The following WDPCP variants were observed in gnomAD, a reference collection of about 807,000 sequenced individuals.
WDPCP encodes WD repeat containing planar cell polarity effector.
A neutral mutation model predicts 93.1 loss-of-function variants in WDPCP; 71 were observed. That is an observed-to-expected ratio of 0.76 (90% CI 0.63 to 0.93). The LOEUF is 0.93. Among genes scored for constraint, WDPCP ranks in the 40% least tolerant of loss-of-function variants. The probability of loss-of-function intolerance (pLI) is 0.00; values close to 1 mark genes in which losing one functional copy is unlikely to be tolerated. For missense variants in WDPCP, 844 were observed against 887.4 expected (o/e 0.95, Z 0.62); for synonymous variants, 315 against 315.0 (o/e 1.00, Z 0.00).
At position 63,613,722 on chromosome 2, in the gene WDPCP, G is replaced by A. The variant is rs1294428537; in HGVS notation, n.488+36937C>T. Among the ~76,000 whole-genome samples the A allele has an allele frequency of 5.9e-5, 9 of 152,268 alleles. 1 individual carries two copies. The highest frequency in any genetic ancestry group is 2.0e-4 in the Admixed American group (3 of 15,294). On this transcript the variant is annotated intron_variant and non_coding_transcript_variant, in intron 3 of 4. Transcript: ENST00000467687. ...CCAAAGTATGATGCTTTGTCATGCC[G>A]AACACTTCTGAATTAAAGGAACTTG...
intron 2 of WDPCP, among the ~76,000 whole-genome samples, chr2:63,720,282 C>G (rs967398616): frequency 2.6e-5 from 4 of 151,656 alleles, no homozygotes; most frequent in African/African-American, 7.3e-5. Context: ...CCAGGTATGG[C>G]GGTGTGCGCC....
At chr2:63,150,383 T>C (rs982030068) in intron 17 of WDPCP, among the ~76,000 whole-genome samples, 10 of 152,176 alleles carry the variant, frequency 6.6e-5, no homozygotes, top group Non-Finnish European at 1.5e-4. Flanking sequence ...GTTGGGAAAC[T>C]ACTGGCATTC....
intron 12 of WDPCP, among the ~76,000 whole-genome samples, chr2:63,348,814 G>A (rs547902664): frequency 6.6e-6 from 1 of 152,110 alleles, no homozygotes; most frequent in South Asian, 2.1e-4. Flanking sequence ...ACAAAGGAGA[G>A]TTTCAACACT....
chr2:63,220,803 C>T (rs1009152702), intron 14 of WDPCP, among the ~76,000 whole-genome samples: 3 of 152,086 alleles, frequency 2.0e-5, no homozygotes, highest in Non-Finnish European at 2.9e-5. Context: ...CAACCCATCA[C>T]CTAGGTACTA....
At chr2:63,621,878 T>A (rs1184679129) in intron 3 of WDPCP, among the ~76,000 whole-genome samples, 2 of 6,012 alleles carry the variant, frequency 3.3e-4, no homozygotes, top group Middle Eastern at 0.062. Context: ...TTCAACATTC[T>A]TTTTTTTTTT....
At chr2:63,427,214 T>C (rs992168871) in intron 9 of WDPCP, among the ~76,000 whole-genome samples, 4 of 152,114 alleles carry the variant, frequency 2.6e-5, no homozygotes, top group African/African-American at 9.7e-5. Context: ...CTGGACTAAA[T>C]TGCAACACTT....
intron 12 of WDPCP, among the ~76,000 whole-genome samples, chr2:63,376,190 T>A (rs1385807439): frequency 1.3e-5 from 2 of 151,902 alleles, no homozygotes; most frequent in African/African-American, 4.8e-5. Flanking sequence ...TAATACTGTA[T>A]AGCCTACTAT....
At chr2:63,804,774 A>T (rs960114890) in intron 2 of WDPCP, among the ~76,000 whole-genome samples, 1 of 151,718 alleles carries the variant, frequency 6.6e-6, no homozygotes, top group Non-Finnish European at 1.5e-5. Context: ...TCACGCCTCT[A>T]ATACCAGCAC....
intron 14 of WDPCP, among the ~76,000 whole-genome samples, chr2:63,243,010 A>G (rs535966777): frequency 2.7e-4 from 41 of 152,312 alleles, no homozygotes; most frequent in Admixed American, 9.8e-4. Context: ...GGATTGTTAT[A>G]CAAGAAGGAA....
intron 2 of WDPCP, among the ~76,000 whole-genome samples, chr2:63,703,085 T>G (rs1027122186): frequency 4.6e-5 from 7 of 152,302 alleles, no homozygotes; most frequent in African/African-American, 9.6e-5. Flanking sequence ...TATTCCATGG[T>G]GTATATGTGC....
chr2:63,809,110 C>T (rs1380052500), intron 2 of WDPCP, among the ~76,000 whole-genome samples: 79 of 151,768 alleles, frequency 5.2e-4, no homozygotes, highest in African/African-American at 1.8e-3. Context: ...GCCCGGCAGC[C>T]GCCCTGTCTG....
intron 14 of WDPCP, among the ~76,000 whole-genome samples, chr2:63,218,899 A>G (rs898267679): frequency 3.3e-5 from 5 of 152,170 alleles, no homozygotes; most frequent in African/African-American, 1.2e-4. Context: ...TTTGTTATTA[A>G]TTGCAATTTT....
At chr2:63,484,259 T>C (rs1312113930) in intron 6 of WDPCP, among the ~76,000 whole-genome samples, 2 of 151,980 alleles carry the variant, frequency 1.3e-5, no homozygotes, top group Non-Finnish European at 2.9e-5. Context: ...CCAAAAAGTC[T>C]TTTGCCCTGT....
chr2:63,733,975 G>C (rs1232169843), intron 2 of WDPCP, among the ~76,000 whole-genome samples: 2 of 152,124 alleles, frequency 1.3e-5, no homozygotes, highest in African/African-American at 4.8e-5. Context: ...GCTTATTCTA[G>C]AAATATCACA....
At chr2:63,178,759 G>A (rs966746855) in intron 14 of WDPCP, among the ~76,000 whole-genome samples, 2 of 151,730 alleles carry the variant, frequency 1.3e-5, no homozygotes, top group South Asian at 4.2e-4. Flanking sequence ...GGTTTAGTTT[G>A]TTTTTCTTTC....
At chr2:63,831,744 T>C (rs560153440), upstream of WDPCP, among the ~76,000 whole-genome samples, 15 of 152,286 alleles carry the variant, frequency 9.8e-5, no homozygotes, top group South Asian at 1.7e-3. Context: ...GGTAAAAATA[T>C]TTTTTAACAT....
chr2:63,557,792 C>A (rs750857835), intron 1 of WDPCP, among the ~76,000 whole-genome samples: 1 of 152,146 alleles, frequency 6.6e-6, no homozygotes, highest in East Asian at 1.9e-4. Context: ...ATTATAAAAA[C>A]AGTCTCTCAG....
intron 6 of WDPCP, among the ~76,000 whole-genome samples, chr2:63,463,112 G>A (rs1334906918): frequency 9.3e-5 from 14 of 150,870 alleles, no homozygotes; most frequent in East Asian, 3.9e-4. Flanking sequence ...AAAGGAACAC[G>A]GACCTGAAAA....
At chr2:63,292,848 T>C (rs139335945) in intron 13 of WDPCP, among the ~76,000 whole-genome samples, 1 of 152,240 alleles carries the variant, frequency 6.6e-6, no homozygotes, top group Non-Finnish European at 1.5e-5. Context: ...TTGCAACTTT[T>C]AGGGAAAGGC....
Sources: gnomAD v4.1 joint callset for allele counts (sites outside exome capture counted in the v4.1 genomes callset) on GRCh38, gnomAD v4.1.1 for gene constraint, MANE v1.5 for transcripts, NCBI Gene and HGNC (gene_info 2026-07-23, HGNC 2026-07-21) for gene names.